BTG4: variants seen among roughly 807,000 people sequenced by gnomAD.
BTG4 encodes the protein BTG anti-proliferation factor 4.
A neutral mutation model predicts 19.3 loss-of-function variants in BTG4; 10 were observed. The ratio of observed to expected loss-of-function variants is 0.52; its 90% CI spans 0.32 to 0.88. BTG4 has a LOEUF of 0.88. BTG4 is among the 40% of genes least tolerant of loss of function. The pLI is 0.04. For synonymous variants in BTG4, 91 were observed against 95.7 expected (o/e 0.95, Z 0.29); for missense variants, 238 against 281.9 (o/e 0.84, Z 1.11).
chr11:111,398,402 C>G, the BTG4 span, among the ~76,000 whole-genome samples: 3 of 152,324 alleles, frequency 2.0e-5, no homozygotes, highest in South Asian at 4.2e-4. Context: ...TAGGCCTCAC[C>G]TCCAGAGTTT....
the BTG4 span, among the ~76,000 whole-genome samples, chr11:111,442,207 T>C: frequency 2.0e-5 from 3 of 151,024 alleles, no homozygotes. Flanking sequence ...GGACAGGAAA[T>C]ATACGAGATG....
intron 1 of BTG4, among the ~76,000 whole-genome samples, chr11:111,500,398 T>C (rs1865995434): frequency 6.6e-6 from 1 of 152,236 alleles, no homozygotes; most frequent in Admixed American, 6.5e-5. Context: ...ATTTCATTTC[T>C]AAAAAGCTCC....
At chr11:111,455,272 T>C in the BTG4 span, 1 of 347,782 alleles carries the variant, frequency 2.9e-6, no homozygotes, top group South Asian at 2.2e-5. Context: ...GCTGCTGCCA[T>C]GCCTGTCCAG....
intron 5 of BTG4, among the ~76,000 whole-genome samples, chr11:111,489,283 C>G (rs1450264146): frequency 7.2e-5 from 11 of 152,182 alleles, no homozygotes; most frequent in Admixed American, 6.5e-4. Flanking sequence ...CAAGTAATAA[C>G]TGTTGCTGGT....
chr11:111,425,377 C>T, the BTG4 span, among the ~76,000 whole-genome samples: 5 of 151,990 alleles, frequency 3.3e-5, no homozygotes, highest in Admixed American at 3.3e-4. Flanking sequence ...CCTCATGGAG[C>T]TCATAGTCCC....
downstream of BTG4, among the ~76,000 whole-genome samples, chr11:111,492,660 G>A (rs774725574): frequency 1.3e-5 from 2 of 152,154 alleles, no homozygotes; most frequent in Non-Finnish European, 2.9e-5. Context: ...CTATTGGGAG[G>A]ATACTGATAA....
At chr11:111,448,029 C>CCT in the BTG4 span, among the ~76,000 whole-genome samples, 1 of 152,182 alleles carries the variant, frequency 6.6e-6, no homozygotes, top group Non-Finnish European at 1.5e-5. Context: ...TCTATGCCTA[C>CCT]CTCTCTCTCT....
At chr11:111,419,043 T>C in the BTG4 span, among the ~76,000 whole-genome samples, 17 of 152,348 alleles carry the variant, frequency 1.1e-4, no homozygotes, top group Admixed American at 1.1e-3. Context: ...TACCTATCTG[T>C]GTCCTAATCT....
At chr11:111,445,549 A>G in the BTG4 span, among the ~76,000 whole-genome samples, 4 of 152,230 alleles carry the variant, frequency 2.6e-5, no homozygotes, top group East Asian at 1.9e-4. Flanking sequence ...AAAGAGGTTC[A>G]TTAAGTATTT....
At chr11:111,442,162 A>G in the BTG4 span, among the ~76,000 whole-genome samples, 1 of 152,154 alleles carries the variant, frequency 6.6e-6, no homozygotes, top group Non-Finnish European at 1.5e-5. Flanking sequence ...AAAAGGAACC[A>G]GAACTCCTTG....
In BTG4 at chr11:111,498,769, T is replaced by C. The variant is rs754766522; in HGVS notation, c.8A>G (p.Asp3Gly). The change falls in exon 2 of 5, where the codon GAT (aspartate) becomes GGT (glycine). Residue 3 changes from aspartate to glycine, a missense_variant. By Grantham distance (94) the Asp-to-Gly change is moderately conservative. Coordinates refer to ENST00000692032, the MANE Select transcript of BTG4 (RefSeq NM_001367975.1). The part of the protein sequence containing the change: MR[D>G]EIATTVFFVT... ...AAAGAAAACTGTTGTTGCAATTTCATCTCTCATGATTCAAGAAAAATAGAT... is the reference window on the plus strand; with the variant it reads ...AAAGAAAACTGTTGTTGCAATTTCACCTCTCATGATTCAAGAAAAATAGAT... 1.2e-6 allele frequency: 2 copies of C among 1,609,628 alleles called. No individual in the cohort carries two copies. Among genetic ancestry groups the C allele is most frequent in the Non-Finnish European group, 1.7e-6 (2 of 1,178,354 alleles).
chr11:111,420,053 A>G, the BTG4 span, among the ~76,000 whole-genome samples: 1 of 152,202 alleles, frequency 6.6e-6, no homozygotes, highest in Admixed American at 6.5e-5. Context: ...AAAGGAATCT[A>G]CAATGGACAA....
the BTG4 span, among the ~76,000 whole-genome samples, chr11:111,428,030 A>T: frequency 2.6e-5 from 4 of 152,278 alleles, no homozygotes; most frequent in East Asian, 7.7e-4. Flanking sequence ...GCTGTGACAA[A>T]GCAAGGATGA....
At chr11:111,496,322 G>C (rs1009135680) in intron 4 of BTG4, among the ~76,000 whole-genome samples, 5 of 151,976 alleles carry the variant, frequency 3.3e-5, no homozygotes, top group Non-Finnish European at 7.4e-5. Context: ...ATGGTGTTTC[G>C]GCTGCATATT....
chr11:111,401,296 G>A, the BTG4 span, among the ~76,000 whole-genome samples: 3 of 151,540 alleles, frequency 2.0e-5, no homozygotes, highest in Non-Finnish European at 2.9e-5. Context: ...ACCATCCTGT[G>A]AATGGTGAAA....
At chr11:111,462,624 C>T (rs949534249), downstream of BTG4, among the ~76,000 whole-genome samples, 1 of 152,248 alleles carries the variant, frequency 6.6e-6, no homozygotes, top group Non-Finnish European at 1.5e-5. Context: ...TTCTTCTCCT[C>T]CCTACCCCTG....
the BTG4 span, among the ~76,000 whole-genome samples, chr11:111,424,998 G>T: frequency 5.5e-4 from 83 of 152,180 alleles, no homozygotes; most frequent in Non-Finnish European, 1.1e-3. Context: ...TGATGTCAAG[G>T]GCCATGAGAG....
intron 5 of BTG4, among the ~76,000 whole-genome samples, chr11:111,482,188 C>T (rs373044302): frequency 4.4e-4 from 67 of 151,920 alleles, no homozygotes; most frequent in African/African-American, 1.5e-3. Context: ...TACCAATGAA[C>T]ATATGGATAC....
At position 111,498,800 on chromosome 11, in the gene BTG4, G is replaced by A. The variant is rs770055122; in HGVS notation, c.-24C>T. 1.3e-6 allele frequency: 2 copies of A among 1,563,382 alleles called. No individual in the cohort carries two copies. Among genetic ancestry groups the A allele is most frequent in the African/African-American group, 1.4e-5 (1 of 72,418 alleles). ...ATGATTCAAGAAAAATAGATAAGGA[G>A]GTCTGAATCATTAAAAGGAAGCAAG... is the stretch of plus-strand genomic sequence containing the variant. On this transcript the variant is annotated splice_region_variant and 5_prime_UTR_variant, in exon 2 of 5. Transcript: ENST00000692032.
Sources: allele counts gnomAD v4.1 joint callset (sites outside exome capture counted in the v4.1 genomes callset), GRCh38; gene constraint gnomAD v4.1.1; transcripts MANE v1.5; gene names NCBI Gene and HGNC (gene_info 2026-07-23, HGNC 2026-07-21).